EFCAB3: variants seen among roughly 807,000 people sequenced by gnomAD.
EFCAB3 encodes the protein EF-hand calcium binding domain 3, also known as EF-hand calcium-binding domain-containing protein 3.
Under a neutral mutation model 42.2 loss-of-function variants are expected in EFCAB3, and 36 were observed. That is an observed-to-expected ratio of 0.85 (90% CI 0.65 to 1.13). EFCAB3 has a LOEUF of 1.13. EFCAB3 is among the 50% of genes most tolerant of loss of function. The pLI is 0.00. For synonymous variants in EFCAB3, 170 were observed against 172.8 expected (o/e 0.98, Z 0.13); for missense variants, 418 against 505.1 (o/e 0.83, Z 1.65).
intron 6 of EFCAB3, among the ~76,000 whole-genome samples, chr17:62,399,701 T>C (rs1349232007): frequency 1.3e-5 from 2 of 152,110 alleles, no homozygotes; most frequent in Non-Finnish European, 2.9e-5. Context: ...TACCTTTGGG[T>C]CTTTGTTCTG....
chr17:62,411,233 T>G (rs1003568195), intron 8 of EFCAB3, among the ~76,000 whole-genome samples: 1 of 152,148 alleles, frequency 6.6e-6, no homozygotes, highest in Non-Finnish European at 1.5e-5. Flanking sequence ...AGTCAGTAGG[T>G]AAACAAGAGG....
chr17:62,373,606 C>A (rs375395855), intron 1 of EFCAB3, among the ~76,000 whole-genome samples: 141 of 152,238 alleles, frequency 9.3e-4, no homozygotes, highest in South Asian at 8.7e-3. Context: ...AAGGACAGAG[C>A]CAGACAGAGC....
intron 9 of EFCAB3, among the ~76,000 whole-genome samples, chr17:62,414,346 T>G (rs1567730007): frequency 6.6e-6 from 1 of 152,224 alleles, no homozygotes; most frequent in Non-Finnish European, 1.5e-5. Flanking sequence ...GCTATCTCAA[T>G]CTATCCTCCT....
At position 62,403,711 on chromosome 17, in the gene EFCAB3, G is replaced by A. The variant is rs184938233; in HGVS notation, c.489-2769G>A. Among the ~76,000 whole-genome samples the A allele has an allele frequency of 1.2e-3, 184 of 152,226 alleles. No homozygotes were observed. In the Middle Eastern group the frequency reaches 0.017, roughly 14 times the overall value. On this transcript the variant is annotated intron_variant, in intron 6 of 9. Transcript: ENST00000305286. ...CTAGAGTGCTGGAGTGCAGTGGTGC[G>A]ATCAAGGCTCATTGCAGCCTCTACC...
intron 2 of EFCAB3, among the ~76,000 whole-genome samples, chr17:62,374,521 T>A (rs9906840): frequency 2.0e-5 from 3 of 151,944 alleles, no homozygotes; most frequent in Admixed American, 1.3e-4. Flanking sequence ...GCCTCTGAAA[T>A]TTAATACATA....
intron 8 of EFCAB3, among the ~76,000 whole-genome samples, chr17:62,411,954 C>T: frequency 6.6e-6 from 1 of 151,850 alleles, no homozygotes; most frequent in African/African-American, 2.4e-5. Context: ...TACAAAGGAA[C>T]AAAAAGTAGA....
upstream of EFCAB3, among the ~76,000 whole-genome samples, chr17:62,377,208 A>G (rs534945611): frequency 1.3e-5 from 2 of 152,316 alleles, no homozygotes; most frequent in South Asian, 2.1e-4. Context: ...TGCATTATAT[A>G]TTACCTTATA....
intron 6 of EFCAB3, among the ~76,000 whole-genome samples, chr17:62,403,578 CTT>C (rs1199500050): frequency 3.3e-5 from 5 of 152,220 alleles, no homozygotes; most frequent in Admixed American, 2.6e-4. Context: ...AAAGTTCTAA[CTT>C]AACGTGACAT....
At chr17:62,384,817 T>A (rs1201026092) in intron 2 of EFCAB3, among the ~76,000 whole-genome samples, 1 of 152,192 alleles carries the variant, frequency 6.6e-6, no homozygotes, top group Non-Finnish European at 1.5e-5. Flanking sequence ...GCCATATGCA[T>A]CTGGTAGAAA....
At chr17:62,382,317 T>C (rs1463668150) in intron 1 of EFCAB3, among the ~76,000 whole-genome samples, 1 of 152,244 alleles carries the variant, frequency 6.6e-6, no homozygotes, top group Non-Finnish European at 1.5e-5. Flanking sequence ...ACCATTTTTA[T>C]TATTTAAGGT....
At chr17:62,388,141 G>T (rs1006049488) in intron 3 of EFCAB3, among the ~76,000 whole-genome samples, 2 of 152,076 alleles carry the variant, frequency 1.3e-5, no homozygotes, top group African/African-American at 4.8e-5. Flanking sequence ...AACCCAGGAA[G>T]CGGAGGTTGC....
At chr17:62,391,794 C>T in intron 3 of EFCAB3, 28 bp from the exon 4 acceptor site, 1 of 1,610,766 alleles carries the variant, frequency 6.2e-7, no homozygotes, top group Non-Finnish European at 8.5e-7. Flanking sequence ...GAACAACTGT[C>T]CTGAATAACT....
At chr17:62,373,482 G>A (rs1222561483) in intron 1 of EFCAB3, among the ~76,000 whole-genome samples, 1 of 151,962 alleles carries the variant, frequency 6.6e-6, no homozygotes, top group Non-Finnish European at 1.5e-5. Context: ...TGAGCTGGGT[G>A]TGGTGGCACA....
chr17:62,401,033 G>T (rs561214925), intron 6 of EFCAB3, among the ~76,000 whole-genome samples: 1 of 152,252 alleles, frequency 6.6e-6, no homozygotes, highest in African/African-American at 2.4e-5. Flanking sequence ...TTTCTCTGAT[G>T]ACCAGTGATG....
intron 7 of EFCAB3, 129 bp from the exon 8 acceptor site, chr17:62,406,899 G>A: frequency 1.2e-6 from 1 of 841,966 alleles, no homozygotes; most frequent in South Asian, 1.8e-5. Flanking sequence ...GTGGGAGCAG[G>A]AGAGTGAAGA....
intron 5 of EFCAB3, among the ~76,000 whole-genome samples, chr17:62,393,925 T>A (rs1284266244): frequency 6.6e-6 from 1 of 151,810 alleles, no homozygotes; most frequent in African/African-American, 2.4e-5. Context: ...TAGAAAAATT[T>A]GGCTGCCTTC....
At chr17:62,391,652 C>A (rs185254982) in intron 3 of EFCAB3, among the ~76,000 whole-genome samples, 170 bp from the exon 4 acceptor site, 26 of 152,204 alleles carry the variant, frequency 1.7e-4, no homozygotes, top group South Asian at 1.0e-3. Flanking sequence ...GTTCAAGTTC[C>A]GTGGAAGGAT....
intron 8 of EFCAB3, among the ~76,000 whole-genome samples, chr17:62,408,412 G>T (rs2070466561): frequency 6.6e-6 from 1 of 152,120 alleles, no homozygotes; most frequent in Non-Finnish European, 1.5e-5. Context: ...AGCCAAAGTG[G>T]TTCTGTTAAA....
chr17:62,390,491 G>T, intron 3 of EFCAB3, among the ~76,000 whole-genome samples: 1 of 152,044 alleles, frequency 6.6e-6, no homozygotes, highest in South Asian at 2.1e-4. Flanking sequence ...TTTTTCCATG[G>T]TACATACCAC....
Sources: allele counts gnomAD v4.1 joint callset (sites outside exome capture counted in the v4.1 genomes callset), GRCh38; gene constraint gnomAD v4.1.1; transcripts MANE v1.5; gene names NCBI Gene and HGNC (gene_info 2026-07-23, HGNC 2026-07-21).